The following ESRP1 variants were observed in gnomAD, a reference collection of about 807,000 sequenced individuals.
ESRP1 encodes epithelial splicing regulatory protein 1, also known as RNA-binding motif protein 35A.
A neutral mutation model predicts 81.7 loss-of-function variants in ESRP1; 33 were observed. The observed-to-expected ratio is 0.40, with a 90% confidence interval of 0.31 to 0.54. The LOEUF (loss-of-function observed/expected upper bound fraction) is 0.54. Ranked by LOEUF, ESRP1 falls within the 20% of genes least tolerant of loss-of-function variation. The probability of loss-of-function intolerance (pLI) is 0.41; values close to 1 mark genes in which losing one functional copy is unlikely to be tolerated. For synonymous variants in ESRP1, 320 were observed against 303.3 expected, an observed-to-expected ratio of 1.06 and a Z score of -0.57; for missense variants, 672 against 833.1, an observed-to-expected ratio of 0.81 and a Z score of 2.38.
At chr8:94,701,877 A>G (rs867076743) in intron 15 of ESRP1, among the ~76,000 whole-genome samples, 1 of 152,302 alleles carries the variant, frequency 6.6e-6, no homozygotes, top group Middle Eastern at 3.4e-3. Flanking sequence ...CTGGAAGTTC[A>G]AGAATAGCCT....
chr8:94,685,736 G>T (rs565082360), intron 13 of ESRP1, among the ~76,000 whole-genome samples: 51 of 151,584 alleles, frequency 3.4e-4, no homozygotes, highest in Admixed American at 3.2e-3. Context: ...AAAGATGGAG[G>T]TTACAGATTG....
chr8:94,705,894 T>A, intron 15 of ESRP1, 31 bp from the exon 16 acceptor site: 1 of 1,477,022 alleles, frequency 6.8e-7, no homozygotes, highest in African/African-American at 1.7e-5. Flanking sequence ...TAACATTTCC[T>A]TTTATTCACT....
At chr8:94,704,775 A>G (rs866626476) in intron 15 of ESRP1, among the ~76,000 whole-genome samples, 19,569 of 61,870 alleles carry the variant, frequency 0.32, 2,024 homozygotes, top group Non-Finnish European at 0.35. Context: ...TGAAAAAAAA[A>G]AAAAAAAAAA....
chr8:94,701,565 G>T (rs1264439562), intron 15 of ESRP1, among the ~76,000 whole-genome samples: 2 of 151,930 alleles, frequency 1.3e-5, no homozygotes, highest in Admixed American at 6.6e-5. Context: ...TCCAGTTACT[G>T]TTACATTCCA....
intron 15 of ESRP1, among the ~76,000 whole-genome samples, chr8:94,698,774 T>C (rs1204914587): frequency 6.6e-6 from 1 of 152,216 alleles, no homozygotes; most frequent in Non-Finnish European, 1.5e-5. Context: ...GATTCTAAAC[T>C]GGAAATGAGG....
chr8:94,678,139 G>A (rs1274384620), intron 12 of ESRP1, 64 bp from the exon 13 acceptor site: 18 of 1,525,986 alleles, frequency 1.2e-5, no homozygotes, highest in Non-Finnish European at 1.6e-5. Context: ...TATGTTTTTA[G>A]TGCTAGCACG....
At chr8:94,689,811 CTTTTTTTTTTTTT>C (rs58359551) in intron 13 of ESRP1, among the ~76,000 whole-genome samples, 3 of 64,680 alleles carry the variant, frequency 4.6e-5, no homozygotes, top group Non-Finnish European at 8.9e-5. Context: ...TGATGCCTGG[CTTTTTTTTTTTTT>C]TTTTTTTTTT....
intron 13 of ESRP1, among the ~76,000 whole-genome samples, chr8:94,679,472 G>T (rs80149953): frequency 1.1e-4 from 17 of 152,180 alleles, no homozygotes; most frequent in Non-Finnish European, 1.5e-4. Context: ...ATGTCTGCCA[G>T]TGTTCTTGTT....
intron 4 of ESRP1, among the ~76,000 whole-genome samples, chr8:94,659,553 AAG>A (rs1260050298): frequency 1.3e-5 from 2 of 152,184 alleles, no homozygotes; most frequent in Non-Finnish European, 2.9e-5. Flanking sequence ...AAATGAAAGT[AAG>A]AGTTTCATAT....
intron 4 of ESRP1, among the ~76,000 whole-genome samples, chr8:94,654,249 C>T (rs1325507229): frequency 6.6e-6 from 1 of 152,064 alleles, no homozygotes; most frequent in Non-Finnish European, 1.5e-5. Context: ...ACCTGGGTGG[C>T]GGAGGTTGCG....
chr8:94,667,929 C>G lies in ESRP1; in HGVS notation c.932-20C>G. The G allele has an allele frequency of 1.3e-6, 2 of 1,537,786 alleles. No individual in the cohort carries two copies. The highest frequency in any genetic ancestry group is 1.8e-6 in the Non-Finnish European group (2 of 1,142,562). On this transcript the variant is annotated intron_variant, in intron 9 of 15. Transcript: ENST00000433389. Reference sequence around the variant, plus strand: ...TCTTAACTATTTCTCTCCCTGCTTCCTAATATTTGTTTTCCCTAGGTACTT... The same window carrying G: ...TCTTAACTATTTCTCTCCCTGCTTCGTAATATTTGTTTTCCCTAGGTACTT...
At chr8:94,673,124 A>T (rs1398158372) in intron 11 of ESRP1, among the ~76,000 whole-genome samples, 1 of 152,170 alleles carries the variant, frequency 6.6e-6, no homozygotes, top group Non-Finnish European at 1.5e-5. Flanking sequence ...ATTGATATTA[A>T]ATTATGCAAC....
At position 94,705,863 on chromosome 8, in the gene ESRP1, G is replaced by A. The variant is rs953469183; in HGVS notation, c.*36-62G>A. On this transcript the variant is annotated intron_variant, in intron 15 of 15. Transcript: ENST00000433389. ...ATTTGAAATCATTTTTGTGGCTGCT[G>A]AGAATGACATTTAGAGACTATAACA... The A allele has an allele frequency of 5.8e-6, 8 of 1,388,430 alleles. No individual in the cohort carries two copies. The East Asian group carries it at 1.3e-4, about 22-fold the overall frequency. 86.0% of individuals were successfully genotyped at this position (1,388,430 alleles called of 1,614,324 possible). A position where few individuals can be genotyped will look rare whatever the true frequency, so the allele number is the denominator to read the frequency against.
chr8:94,664,641 AG>A (rs1818925877), intron 6 of ESRP1, 55 bp from the exon 7 acceptor site: 16 of 1,248,870 alleles, frequency 1.3e-5, no homozygotes, highest in African/African-American at 1.5e-5. Context: ...AGGGGGTAAT[AG>A]GTGTCTGACT....
chr8:94,662,630 CAG>C (rs1387053571), intron 6 of ESRP1, 75 bp downstream of exon 6: 35 of 1,290,640 alleles, frequency 2.7e-5, no homozygotes, highest in South Asian at 1.9e-4. Flanking sequence ...GTTTTTGAGA[CAG>C]AGTCTTGCTC....
intron 9 of ESRP1, among the ~76,000 whole-genome samples, chr8:94,666,652 A>G (rs1414591845): frequency 6.6e-6 from 1 of 152,170 alleles, no homozygotes; most frequent in African/African-American, 2.4e-5. Flanking sequence ...TATTAACACA[A>G]TCTGCTGGTA....
At chr8:94,694,846 C>G (rs1809535049) in intron 14 of ESRP1, among the ~76,000 whole-genome samples, 1 of 152,172 alleles carries the variant, frequency 6.6e-6, no homozygotes, top group South Asian at 2.1e-4. Flanking sequence ...AGGCATTTGG[C>G]CTTCATTTCT....
intron 6 of ESRP1, among the ~76,000 whole-genome samples, chr8:94,664,387 G>C (rs930978877): frequency 3.9e-5 from 6 of 152,112 alleles, no homozygotes; most frequent in African/African-American, 1.4e-4. Flanking sequence ...GCCTCCCAAA[G>C]TGCTGGGATT....
intron 15 of ESRP1, among the ~76,000 whole-genome samples, chr8:94,705,324 C>T (rs1347739612): frequency 3.9e-5 from 6 of 151,988 alleles, no homozygotes; most frequent in East Asian, 3.9e-4. Flanking sequence ...CACACCACTA[C>T]GCCCAGCTAA....
Sources: gnomAD v4.1 joint callset for allele counts (sites outside exome capture counted in the v4.1 genomes callset) on GRCh38, gnomAD v4.1.1 for gene constraint, MANE v1.5 for transcripts, NCBI Gene and HGNC (gene_info 2026-07-23, HGNC 2026-07-21) for gene names.